RPS6KC1: variants seen among roughly 807,000 people sequenced by gnomAD.
RPS6KC1 encodes inactive ribosomal protein S6 kinase delta-1.
Under a neutral mutation model 103.8 loss-of-function variants are expected in RPS6KC1, and 54 were observed. The ratio of observed to expected loss-of-function variants is 0.52; its 90% CI spans 0.42 to 0.65. The LOEUF (loss-of-function observed/expected upper bound fraction) is 0.65, where lower values mean the gene tolerates loss of function less well. RPS6KC1 is among the 30% of genes least tolerant of loss of function. RPS6KC1 has a pLI of 0.00. For synonymous variants in RPS6KC1, 439 were observed against 438.7 expected, an observed-to-expected ratio of 1.00 and a Z score of -0.01; for missense variants, 1,151 against 1,253.8, an observed-to-expected ratio of 0.92 and a Z score of 1.24.
chr1:213,770,245 A>C, the RPS6KC1 span, among the ~76,000 whole-genome samples: 1 of 152,190 alleles, frequency 6.6e-6, no homozygotes, highest in Non-Finnish European at 1.5e-5. Flanking sequence ...CTGGGACTCA[A>C]GCTTGGGACT....
chr1:213,063,614 GTGT>G (rs2078036483), intron 1 of RPS6KC1, among the ~76,000 whole-genome samples: 2 of 152,214 alleles, frequency 1.3e-5, no homozygotes, highest in South Asian at 2.1e-4. Context: ...ATTTTAGTAG[GTGT>G]TGTACTAAAT....
chr1:213,513,858 C>T, the RPS6KC1 span, among the ~76,000 whole-genome samples: 1 of 152,140 alleles, frequency 6.6e-6, no homozygotes, highest in African/African-American at 2.4e-5. Flanking sequence ...GAACATGCAC[C>T]ATTCCAGCCA....
the RPS6KC1 span, among the ~76,000 whole-genome samples, chr1:213,554,242 T>C: frequency 6.6e-6 from 1 of 152,240 alleles, no homozygotes; most frequent in Non-Finnish European, 1.5e-5. Flanking sequence ...CTTCTGCATA[T>C]GGCTAACCAG....
the RPS6KC1 span, among the ~76,000 whole-genome samples, chr1:213,594,947 C>G: frequency 6.6e-6 from 1 of 152,116 alleles, no homozygotes; most frequent in African/African-American, 2.4e-5. Context: ...AAATCTTGGC[C>G]TTCGTGGCAC....
intron 12 of RPS6KC1, among the ~76,000 whole-genome samples, chr1:213,251,861 A>G (rs2094551611): frequency 6.6e-6 from 1 of 152,230 alleles, no homozygotes; most frequent in Non-Finnish European, 1.5e-5. Flanking sequence ...AATAAAAGAC[A>G]TAATTGGTAT....
the RPS6KC1 span, among the ~76,000 whole-genome samples, chr1:213,680,788 G>A: frequency 2.0e-5 from 3 of 152,084 alleles, no homozygotes; most frequent in African/African-American, 7.2e-5. Context: ...TTTTGAAGTT[G>A]TGAGGCCCTG....
At chr1:213,294,373 A>G in the RPS6KC1 span, among the ~76,000 whole-genome samples, 5 of 152,188 alleles carry the variant, frequency 3.3e-5, no homozygotes, top group Non-Finnish European at 7.4e-5. Flanking sequence ...AGAGAGGCCA[A>G]GTCTCATAAT....
intron 8 of RPS6KC1, among the ~76,000 whole-genome samples, chr1:213,184,165 C>T (rs188493251): frequency 6.6e-6 from 1 of 152,182 alleles, no homozygotes; most frequent in East Asian, 1.9e-4. Context: ...GAGAATTCTA[C>T]CATACTTTTA....
At chr1:213,348,651 T>C in the RPS6KC1 span, among the ~76,000 whole-genome samples, 8 of 152,234 alleles carry the variant, frequency 5.3e-5, no homozygotes, top group Non-Finnish European at 1.2e-4. Context: ...ATTCCCATAC[T>C]CTTTAAGGTT....
chr1:213,832,304 C>T, the RPS6KC1 span, among the ~76,000 whole-genome samples: 1 of 152,190 alleles, frequency 6.6e-6, no homozygotes, highest in South Asian at 2.1e-4. Context: ...ACATCCTCAA[C>T]CCAATCCATT....
the RPS6KC1 span, among the ~76,000 whole-genome samples, chr1:213,548,666 A>AT: frequency 2.4e-4 from 36 of 152,344 alleles, no homozygotes; most frequent in African/African-American, 8.7e-4. Flanking sequence ...TCTCAAAAAA[A>AT]GAAAAAAGAA....
At chr1:213,428,408 TCCCTCCCTCCCTTCCTCTC>T in the RPS6KC1 span, among the ~76,000 whole-genome samples, 175 of 60,630 alleles carry the variant, frequency 2.9e-3, no homozygotes, top group Middle Eastern at 7.0e-3. Context: ...TCCACCTCCC[TCCCTCCCTCCCTTCCTCTC>T]CCCTCCCTCC....
At chr1:213,156,091 A>G (rs1247194370) in intron 6 of RPS6KC1, among the ~76,000 whole-genome samples, 1 of 152,224 alleles carries the variant, frequency 6.6e-6, no homozygotes, top group African/African-American at 2.4e-5. Context: ...TGTTAGAATG[A>G]TCAGGTAAGG....
chr1:213,095,479 A>G (rs2081363820), intron 3 of RPS6KC1, among the ~76,000 whole-genome samples: 1 of 152,216 alleles, frequency 6.6e-6, no homozygotes, highest in Admixed American at 6.5e-5. Context: ...TTATAAATCA[A>G]ACAGAGAGGC....
In RPS6KC1 at chr1:213,133,249, ATCT is replaced by A. The variant is rs149516756; in HGVS notation, c.835+3362_835+3364del. On this transcript the variant is annotated intron_variant, in intron 6 of 14. Transcript: ENST00000366960. The stretch of plus-strand genomic sequence containing the variant: ...ATATATATATCACACTTTCCTGTCC[ATCT>A]TGTTTATATATTACTGAAAGTGGCG... 5.6e-3 allele frequency among the ~76,000 whole-genome samples: 854 copies of A among 152,260 alleles called. 10 individuals carry two copies. Among genetic ancestry groups the A allele is most frequent in the African/African-American group, 0.017 (720 of 41,558 alleles).
chr1:213,201,522 T>C (rs1390539552), intron 8 of RPS6KC1, among the ~76,000 whole-genome samples: 2 of 152,110 alleles, frequency 1.3e-5, no homozygotes, highest in Admixed American at 6.5e-5. Context: ...ACTAGAATGG[T>C]GGATTGTCCA....
the RPS6KC1 span, among the ~76,000 whole-genome samples, chr1:213,602,120 C>CTCTCTCTTTCTTTCTT: frequency 3.9e-4 from 2 of 5,156 alleles, no homozygotes; most frequent in South Asian, 9.4e-3. Flanking sequence ...TTCTTTCTTT[C>CTCTCTCTTTCTTTCTT]TCTTTCTTTC....
the RPS6KC1 span, among the ~76,000 whole-genome samples, chr1:213,799,098 G>C: frequency 6.6e-6 from 1 of 152,218 alleles, no homozygotes; most frequent in Non-Finnish European, 1.5e-5. Context: ...ATTTGGGAAA[G>C]TAGTCAGAAT....
the RPS6KC1 span, among the ~76,000 whole-genome samples, chr1:213,738,006 C>G: frequency 1.3e-5 from 2 of 152,148 alleles, no homozygotes; most frequent in Admixed American, 1.3e-4. Context: ...ATAATGTCTC[C>G]AAGGTGTGAA....
Sources: allele counts gnomAD v4.1 joint callset (sites outside exome capture counted in the v4.1 genomes callset), GRCh38; gene constraint gnomAD v4.1.1; transcripts MANE v1.5; gene names NCBI Gene and HGNC (gene_info 2026-07-23, HGNC 2026-07-21).